The following ARID3A variants were observed in gnomAD, a reference collection of about 807,000 sequenced individuals.
The protein encoded by ARID3A is AT-rich interactive domain-containing protein 3A.
Under a neutral mutation model 52.7 loss-of-function variants are expected in ARID3A, and 11 were observed. The ratio of observed to expected loss-of-function variants is 0.21; its 90% CI spans 0.13 to 0.35. The LOEUF (loss-of-function observed/expected upper bound fraction) is 0.35, where lower values mean the gene tolerates loss of function less well. Ranked by LOEUF, ARID3A falls within the 10% of genes least tolerant of loss-of-function variation. The probability of loss-of-function intolerance (pLI) is 1.00; values close to 1 mark genes in which losing one functional copy is unlikely to be tolerated. For missense variants in ARID3A, 721 were observed against 838.5 expected, an observed-to-expected ratio of 0.86 and a Z score of 1.73; for synonymous variants, 404 against 359.4, an observed-to-expected ratio of 1.12 and a Z score of -1.40.
At position 972,801 on chromosome 19, in the gene ARID3A, CAAAAAAAAA is replaced by C. The variant is rs57620894; in HGVS notation, c.*758_*766del. ...GTCTTGAAAAAGCAAGAAAAAAAAGCAAAAAAAAAAAAAAAAAAAAAAAAAAAAAACTCA... is the reference window on the plus strand; with the variant it reads ...GTCTTGAAAAAGCAAGAAAAAAAAGCAAAAAAAAAAAAAAAAAAAAACTCA... On this transcript the variant is annotated 3_prime_UTR_variant, in exon 9 of 9. Transcript: ENST00000263620. The C allele has an allele frequency of 1.1e-4, 8 of 75,918 alleles. No individual in the cohort carries two copies. Among genetic ancestry groups the C allele is most frequent in the East Asian group, 2.1e-4 (1 of 4,742 alleles). The allele number at this position is 75,918 out of a possible 1,614,324, so 4.7% of individuals were successfully genotyped here.
chr19:946,996 T>C (rs1489020122), intron 3 of ARID3A, among the ~76,000 whole-genome samples: 1 of 150,704 alleles, frequency 6.6e-6, no homozygotes, highest in Non-Finnish European at 1.5e-5. Context: ...GGTTTTGTCA[T>C]ATTGCCCAGG....
chr19:970,636 G>T (rs1008732756), intron 8 of ARID3A, among the ~76,000 whole-genome samples: 1 of 150,616 alleles, frequency 6.6e-6, no homozygotes, highest in African/African-American at 2.4e-5. Flanking sequence ...CACCAGGCCC[G>T]GCTAATTTTT....
intron 4 of ARID3A, among the ~76,000 whole-genome samples, chr19:961,484 C>T (rs1171287856): frequency 1.3e-5 from 2 of 152,338 alleles, no homozygotes; most frequent in East Asian, 1.9e-4. Flanking sequence ...CAGATCCTCC[C>T]CATGACCCTT....
intron 3 of ARID3A, among the ~76,000 whole-genome samples, chr19:954,725 A>G (rs112376373): frequency 6.6e-6 from 1 of 151,092 alleles, no homozygotes; most frequent in African/African-American, 2.4e-5. Flanking sequence ...GCTCCCCTCC[A>G]GGGAGGGAAT....
At chr19:927,250 C>A (rs544653245) in intron 1 of ARID3A, among the ~76,000 whole-genome samples, 1 of 152,086 alleles carries the variant, frequency 6.6e-6, no homozygotes, top group Non-Finnish European at 1.5e-5. Context: ...CCCAGCGCCC[C>A]GTCCCAGCCT....
At chr19:943,912 G>A (rs2037613140) in intron 3 of ARID3A, among the ~76,000 whole-genome samples, 1 of 152,226 alleles carries the variant, frequency 6.6e-6, no homozygotes, top group South Asian at 2.1e-4. Flanking sequence ...CCTCTCATGG[G>A]CACTTACGGG....
In ARID3A at chr19:947,552, A is replaced by G. The variant is rs2037712501; in HGVS notation, c.694-12540A>G. ...TCAGCCCCCACCCAGATGCCCCGGG[A>G]CCGTTTCACAGATGAGAAGACCGAG... is the stretch of plus-strand genomic sequence containing the variant. On this transcript the variant is annotated intron_variant, in intron 3 of 8. Transcript: ENST00000263620. This position sits in a 1 kb window ranked among gnomAD's most constrained non-coding sequence, Gnocchi z 6.3. Among the ~76,000 whole-genome samples the G allele has an allele frequency of 1.3e-5, 2 of 151,952 alleles. No homozygotes were observed. The highest frequency in any genetic ancestry group is 2.9e-5 in the Non-Finnish European group (2 of 67,998).
rs946114900 is a variant in ARID3A, at chr19:944,502, G to A, written c.693+11760G>A. ...CCCCAAACCTTGACCCATCTCAGGG[G>A]CACCACGCTCACTGCTACAAATGTG... On this transcript the variant is annotated intron_variant, in intron 3 of 8. Transcript: ENST00000263620. The surrounding 1 kb of genome is among the most constrained non-coding windows in gnomAD (Gnocchi z 5.9). Among the ~76,000 whole-genome samples, 3 of 152,164 alleles carry A rather than the reference G, an allele frequency of 2.0e-5. No homozygotes were observed. Among genetic ancestry groups the A allele is most frequent in the African/African-American group, 7.2e-5 (3 of 41,446 alleles).
intron 2 of ARID3A, among the ~76,000 whole-genome samples, chr19:931,639 C>T (rs2037330527): frequency 1.3e-5 from 2 of 151,848 alleles, no homozygotes; most frequent in Admixed American, 6.6e-5. Context: ...GGTGAAACCC[C>T]GTCTCCACTA....
At chr19:965,174 C>T in intron 6 of ARID3A, 94 bp downstream of exon 6, 1 of 1,395,824 alleles carries the variant, frequency 7.2e-7, no homozygotes, top group Non-Finnish European at 9.5e-7. Flanking sequence ...CTCTGGGTAA[C>T]CAGGATGAAA....
At chr19:958,773 GTCCC>G (rs1027200857) in intron 3 of ARID3A, among the ~76,000 whole-genome samples, 1 of 152,004 alleles carries the variant, frequency 6.6e-6, no homozygotes, top group African/African-American at 2.4e-5. Context: ...GGCGCCTGTA[GTCCC>G]AGCTACTCGG....
At chr19:955,290 G>A (rs758036180) in intron 3 of ARID3A, among the ~76,000 whole-genome samples, 1 of 152,186 alleles carries the variant, frequency 6.6e-6, no homozygotes, top group Non-Finnish European at 1.5e-5. Context: ...CCGGGGGCCA[G>A]AGACCCATAA....
rs1263363392 is a variant in ARID3A at position 941,809 on chromosome 19, CAG to C, written c.693+9068_693+9069del. Among the ~76,000 whole-genome samples the C allele has an allele frequency of 2.5e-5, 3 of 122,224 alleles. No homozygotes were observed. Among genetic ancestry groups the C allele is most frequent in the East Asian group, 3.0e-4 (1 of 3,314 alleles). The allele number at this position is 122,224 out of a possible 152,430, so 80.2% of individuals were successfully genotyped here. ...TGTGTGTGTGTGTGTGTGTGTGTGTCAGGGGTGGCTGCAAGCGTATGTGTGTG... is the reference window on the plus strand; with the variant it reads ...TGTGTGTGTGTGTGTGTGTGTGTGTCGGGTGGCTGCAAGCGTATGTGTGTG... On this transcript the variant is annotated intron_variant, in intron 3 of 8. Transcript: ENST00000263620. The surrounding 1 kb of genome is among the most constrained non-coding windows in gnomAD (Gnocchi z 6.9).
intron 3 of ARID3A, among the ~76,000 whole-genome samples, chr19:957,440 G>T (rs2037945976): frequency 6.6e-6 from 1 of 152,206 alleles, no homozygotes; most frequent in Non-Finnish European, 1.5e-5. Flanking sequence ...CGGAACAAAT[G>T]CGCTCCCGTC....
At chr19:955,282 G>C (rs548928025) in intron 3 of ARID3A, among the ~76,000 whole-genome samples, 32 of 152,174 alleles carry the variant, frequency 2.1e-4, no homozygotes, top group African/African-American at 7.2e-4. Flanking sequence ...GAGCGGAACC[G>C]GGGGCCAGAG....
Position 932,747 on chromosome 19 carries a change from G to A in ARID3A, c.693+5G>A. 1 of 1,546,830 alleles carries A rather than the reference G, an allele frequency of 6.5e-7. No individual in the cohort carries two copies. The highest frequency in any genetic ancestry group is 8.7e-7 in the Non-Finnish European group (1 of 1,146,318). ...TACGAGGAGCAGTTTAAGCAGGTGA[G>A]TGGGCGCGTCCCGCGTGGCGGCTGA... On this transcript the variant is annotated splice_donor_5th_base_variant and intron_variant, in intron 3 of 8. Coordinates refer to ENST00000263620, the MANE Select transcript of ARID3A (RefSeq NM_005224.3).
chr19:930,801 A>T (rs145150856), intron 2 of ARID3A, among the ~76,000 whole-genome samples: 1 of 150,168 alleles, frequency 6.7e-6, no homozygotes, highest in Non-Finnish European at 1.5e-5. Context: ...GAGCCACCAC[A>T]CCCGGCCAAC....
Position 975,665 on chromosome 19 carries a change from T to G in ARID3A, c.*3600T>G. ...TCTCTACCTCTGGCTGGGCCCAGCC[T>G]GTCTCGCCCTGGCCGCGGCAGGGTG... On this transcript the variant is annotated 3_prime_UTR_variant, in exon 9 of 9. Transcript: ENST00000263620. 1 of 189,026 alleles carries G rather than the reference T, an allele frequency of 5.3e-6. No homozygotes were observed. Among genetic ancestry groups the G allele is most frequent in the Non-Finnish European group, 1.1e-5 (1 of 91,868 alleles). The allele number at this position is 189,026 out of a possible 1,614,324, so 11.7% of individuals were successfully genotyped here.
intron 8 of ARID3A, among the ~76,000 whole-genome samples, chr19:969,158 G>A (rs1243625942): frequency 2.6e-5 from 4 of 151,906 alleles, no homozygotes; most frequent in Non-Finnish European, 5.9e-5. Context: ...TACATAGTAG[G>A]TATATATATT....
Sources: gnomAD v4.1 joint callset for allele counts (sites outside exome capture counted in the v4.1 genomes callset) on GRCh38, gnomAD v4.1.1 for gene constraint, Gnocchi (gnomAD v3.1) non-coding constraint, MANE v1.5 for transcripts, NCBI Gene and HGNC (gene_info 2026-07-23, HGNC 2026-07-21) for gene names.